CFAP74: variants seen among roughly 807,000 people sequenced by gnomAD.
CFAP74 encodes the protein cilia- and flagella-associated protein 74.
CFAP74 carries 124 observed loss-of-function variants against 188.9 expected under a neutral mutation model. That is an observed-to-expected ratio of 0.66 (90% CI 0.57 to 0.76). The LOEUF is 0.76. Ranked by LOEUF, CFAP74 falls within the 30% of genes least tolerant of loss-of-function variation. The pLI, the probability that CFAP74 is intolerant of heterozygous loss-of-function variation, is 0.00. For missense variants in CFAP74, 2,198 were observed against 2,165.2 expected, an observed-to-expected ratio of 1.02 and a Z score of -0.30; for synonymous variants, 956 against 916.7, an observed-to-expected ratio of 1.04 and a Z score of -0.77.
chr1:1,936,217 C>CAAAAA (rs112657762), intron 25 of CFAP74, among the ~76,000 whole-genome samples: 99 of 100,082 alleles, frequency 9.9e-4, no homozygotes, highest in African/African-American at 3.2e-3. Flanking sequence ...TGCTCCGTCT[C>CAAAAA]AAAAAAAAAA....
intron 25 of CFAP74, among the ~76,000 whole-genome samples, chr1:1,936,510 C>T (rs1652908756): frequency 6.6e-6 from 1 of 151,802 alleles, no homozygotes. Flanking sequence ...TGCCACTGCA[C>T]TCCAGCCTGG....
At chr1:1,953,172 G>C (rs1485089829) in intron 18 of CFAP74, 1 of 152,110 alleles carries the variant, frequency 6.6e-6, no homozygotes, top group East Asian at 1.9e-4. Flanking sequence ...TGGCTTCAAG[G>C]CTTTGTCTGA....
rs569543918 is a variant in CFAP74 at position 1,942,941 on chromosome 1, C to T, written c.2487-785G>A. Among the ~76,000 whole-genome samples, 1 of 152,334 alleles carries T rather than the reference C, an allele frequency of 6.6e-6. No homozygotes were observed. Among genetic ancestry groups the T allele is most frequent in the African/African-American group, 2.4e-5 (1 of 41,580 alleles). On this transcript the variant is annotated intron_variant, in intron 21 of 38. Coordinates refer to ENST00000682832, the MANE Select transcript of CFAP74 (RefSeq NM_001304360.2). This position sits in a 1 kb window ranked among gnomAD's most constrained non-coding sequence, Gnocchi z 4.3. ...CTGTGGCAGCCTCATCTCCGTCCAT[C>T]ACAGACCTGCCTCTGACCTCTGACC...
At chr1:1,957,769 G>C (rs923812186) in intron 16 of CFAP74, among the ~76,000 whole-genome samples, 14 of 144,546 alleles carry the variant, frequency 9.7e-5, no homozygotes, top group South Asian at 2.2e-4. Context: ...CTGTCTGCGG[G>C]GGGGCGGGGG....
chr1:1,977,781 G>C (rs1413033801), intron 6 of CFAP74, among the ~76,000 whole-genome samples: 1 of 152,226 alleles, frequency 6.6e-6, no homozygotes, highest in East Asian at 1.9e-4. Context: ...CAGAAAGCTA[G>C]ATGCCAGAAA....
intron 6 of CFAP74, 90 bp downstream of exon 6, chr1:1,985,296 C>G: frequency 8.8e-7 from 1 of 1,131,048 alleles, no homozygotes. Flanking sequence ...GTGCAAAACC[C>G]CCCAGATCTT....
chr1:1,993,013 C>T (rs1657680860), intron 1 of CFAP74, among the ~76,000 whole-genome samples: 1 of 151,122 alleles, frequency 6.6e-6, no homozygotes, highest in Non-Finnish European at 1.5e-5. Flanking sequence ...CCAGCCTGGC[C>T]AGCATGGTGA....
intron 25 of CFAP74, among the ~76,000 whole-genome samples, chr1:1,938,285 TCA>T (rs1205624473): frequency 4.6e-5 from 7 of 151,274 alleles, no homozygotes; most frequent in Non-Finnish European, 8.8e-5. Context: ...ATACATGCAC[TCA>T]CACTCAACCT....
At chr1:1,988,742 G>A in intron 3 of CFAP74, 87 bp from the exon 4 acceptor site, 3 of 1,539,548 alleles carry the variant, frequency 1.9e-6, no homozygotes. Flanking sequence ...GTAGGTGCCT[G>A]ACAGTTCTGC....
At chr1:1,959,290 T>C (rs1333654910) in intron 15 of CFAP74, 81 bp from the exon 16 acceptor site, 3 of 980,910 alleles carry the variant, frequency 3.1e-6, no homozygotes, top group Middle Eastern at 2.4e-4. Context: ...AGGGTCTGGC[T>C]CTGTTGGCCA....
At chr1:1,981,590 G>A (rs1306693188) in intron 6 of CFAP74, among the ~76,000 whole-genome samples, 1 of 99,458 alleles carries the variant, frequency 1.0e-5, no homozygotes, top group African/African-American at 4.7e-5. Flanking sequence ...GGACAGACAC[G>A]GGGACACGCA....
intron 1 of CFAP74, among the ~76,000 whole-genome samples, chr1:1,994,048 C>T (rs182792521): frequency 2.6e-5 from 4 of 151,546 alleles, no homozygotes; most frequent in Admixed American, 2.0e-4. Flanking sequence ...ACCTGTAGTC[C>T]CACCTATTCA....
At chr1:1,958,212 C>T (rs556117405) in intron 16 of CFAP74, among the ~76,000 whole-genome samples, 8 of 152,358 alleles carry the variant, frequency 5.3e-5, no homozygotes, top group Admixed American at 4.6e-4. Flanking sequence ...ACCATGAGGG[C>T]GTCTGCTGAT....
Position 1,956,733 on chromosome 1 carries a change from T to C in CFAP74, c.1903A>G (p.Thr635Ala), listed in dbSNP as rs1570909362. The change falls in exon 17 of 39, where the codon ACC becomes GCC. Residue 635 changes from threonine to alanine, a missense_variant. Coordinates refer to ENST00000682832, the MANE Select transcript of CFAP74 (RefSeq NM_001304360.2). Reference sequence around the variant, plus strand: ...GTCAGCGTGATGGTCCGAGACGTGGTCTCTCCTACCACGTAGCTGCCGAAG... The same window carrying C: ...GTCAGCGTGATGGTCCGAGACGTGGCCTCTCCTACCACGTAGCTGCCGAAG... Reference protein sequence around the residue: ...IDFGSYVVGETTSRTITLTNV... With the variant: ...IDFGSYVVGEATSRTITLTNV... 6.2e-7 allele frequency: 1 copy of C among 1,613,850 alleles called. No individual in the cohort carries two copies. The highest frequency in any genetic ancestry group is 8.5e-7 in the Non-Finnish European group (1 of 1,179,894).
intron 30 of CFAP74, 40 bp from the exon 31 acceptor site, chr1:1,926,552 C>T: frequency 1.3e-6 from 2 of 1,549,648 alleles, no homozygotes; most frequent in Non-Finnish European, 1.7e-6. Flanking sequence ...AGCCCCAGGC[C>T]CCAGGGAGCG....
chr1:1,956,171 G>A (rs1441867506), intron 17 of CFAP74, among the ~76,000 whole-genome samples: 2 of 152,234 alleles, frequency 1.3e-5, no homozygotes, highest in African/African-American at 4.8e-5. Flanking sequence ...TGGCTGGCTA[G>A]AGGCTGAGGC....
In CFAP74 at chr1:1,923,987, C is replaced by T; in HGVS notation, c.4235-58G>A. 6.4e-7 allele frequency: 1 copy of T among 1,553,308 alleles called. No homozygotes were observed. The highest frequency in any genetic ancestry group is 8.7e-7 in the Non-Finnish European group (1 of 1,145,280). On this transcript the variant is annotated intron_variant, in intron 34 of 38. Transcript: ENST00000682832. This position sits in a 1 kb window ranked among gnomAD's most constrained non-coding sequence, Gnocchi z 6.3. ...TCCACCTGCAATCACTGTCTGCCCTCCAAGCCTTGCTGCATAGAGCTCTAC... is the reference window on the plus strand; with the variant it reads ...TCCACCTGCAATCACTGTCTGCCCTTCAAGCCTTGCTGCATAGAGCTCTAC...
intron 9 of CFAP74, among the ~76,000 whole-genome samples, chr1:1,971,363 AC>A (rs1460564669): frequency 6.9e-6 from 1 of 144,244 alleles, no homozygotes; most frequent in Non-Finnish European, 1.5e-5. Flanking sequence ...GCACACCTGC[AC>A]ACACACGGTC....
At chr1:1,940,521 C>T in intron 22 of CFAP74, 118 bp from the exon 23 acceptor site, 1 of 718,436 alleles carries the variant, frequency 1.4e-6, no homozygotes, top group Non-Finnish European at 2.2e-6. Flanking sequence ...TCTGGAACAT[C>T]AGCGCTGGGA....
Sources: allele counts gnomAD v4.1 joint callset (sites outside exome capture counted in the v4.1 genomes callset), GRCh38; gene constraint gnomAD v4.1.1; non-coding constraint Gnocchi (gnomAD v3.1); transcripts MANE v1.5; gene names NCBI Gene and HGNC (gene_info 2026-07-23, HGNC 2026-07-21).